Variants in ZFHX3 observed in about 807,000 individuals in gnomAD.
The protein encoded by ZFHX3 is zinc finger homeobox protein 3.
Under a neutral mutation model 279.1 loss-of-function variants are expected in ZFHX3, and 42 were observed. That is an observed-to-expected ratio of 0.15 (90% confidence interval 0.12 to 0.19). The LOEUF is 0.19. Ranked by LOEUF, ZFHX3 falls within the 10% of genes least tolerant of loss-of-function variation. The pLI is 1.00. For missense variants in ZFHX3, 4,981 were observed against 4,754.0 expected (o/e 1.05, Z -1.40); for synonymous variants, 2,293 against 1,957.8 (o/e 1.17, Z -4.52).
At chr16:73,702,089 T>C (rs1294237015) in intron 1 of ZFHX3, among the ~76,000 whole-genome samples, 1 of 151,650 alleles carries the variant, frequency 6.6e-6, no homozygotes, top group Admixed American at 6.6e-5. Context: ...AGGTGGAGAG[T>C]GCAGTGTTGC....
At chr16:73,718,014 T>A (rs1041363740) in intron 1 of ZFHX3, among the ~76,000 whole-genome samples, 2 of 152,204 alleles carry the variant, frequency 1.3e-5, no homozygotes, top group African/African-American at 4.8e-5. Context: ...CTTGAAAGGA[T>A]GTTTATTCTC....
chr16:73,396,983 G>T lies in ZFHX3; in HGVS notation c.-1291+59020C>A, dbSNP rs2017143312. ...GACCTTAACACTGATCCTGTAGGTG[G>T]TGGCAATGCCCCCTGCAGTGTGGAA... On this transcript the variant is annotated intron_variant, in intron 3 of 17. Coordinates refer to the ZFHX3 transcript ENST00000641206. 3.9e-5 allele frequency among the ~76,000 whole-genome samples: 6 copies of T among 152,332 alleles called. No homozygotes were observed. In the South Asian group the frequency reaches 1.2e-3, roughly 32 times the overall value.
At chr16:73,314,398 G>T (rs1478745227) in intron 4 of ZFHX3, among the ~76,000 whole-genome samples, 4 of 152,114 alleles carry the variant, frequency 2.6e-5, no homozygotes, top group African/African-American at 9.7e-5. Flanking sequence ...CTGTTTTTCT[G>T]CAGAACCCTA....
In ZFHX3 at chr16:72,788,463, C is replaced by G. The variant is rs770965556; in HGVS notation, c.9813G>C (p.Thr3271=). Residue 3271 remains threonine, a synonymous_variant, in exon 10 of 10, where the codon ACG becomes ACC. Transcript: ENST00000268489. ...KGEAPTATAA[T]ISAPLPTMEY... ...CCATGGTGGGCAGCGGGGCTGAGAT[C>G]GTGGCTGCAGTTGCCGTGGGGGCCT... 2 of 1,614,244 alleles carry G rather than the reference C, an allele frequency of 1.2e-6. No individual in the cohort carries two copies.
At chr16:73,405,638 A>G (rs1198605843) in intron 3 of ZFHX3, among the ~76,000 whole-genome samples, 1 of 151,462 alleles carries the variant, frequency 6.6e-6, no homozygotes, top group Non-Finnish European at 1.5e-5. Context: ...TTTTTTAGTC[A>G]TTGCAATGGG....
chr16:73,156,489 A>C (rs1312787460), intron 5 of ZFHX3, among the ~76,000 whole-genome samples: 1 of 152,166 alleles, frequency 6.6e-6, no homozygotes, highest in African/African-American at 2.4e-5. Context: ...GACATCTCCC[A>C]AACAGGTAGG....
intron 5 of ZFHX3, among the ~76,000 whole-genome samples, chr16:73,253,870 A>T (rs1273146000): frequency 6.6e-6 from 1 of 152,154 alleles, no homozygotes; most frequent in Non-Finnish European, 1.5e-5. Context: ...AGGGAGAAGG[A>T]GTTAAGGTCC....
chr16:72,907,403 C>T (rs1054661342), intron 3 of ZFHX3, among the ~76,000 whole-genome samples: 3 of 152,050 alleles, frequency 2.0e-5, no homozygotes, highest in East Asian at 3.9e-4. Flanking sequence ...TCATCAATCA[C>T]CTCTAAAAAT....
intron 1 of ZFHX3, among the ~76,000 whole-genome samples, chr16:73,782,716 G>T (rs942885154): frequency 1.3e-5 from 2 of 152,126 alleles, no homozygotes; most frequent in Non-Finnish European, 2.9e-5. Flanking sequence ...ATGACCCTCT[G>T]GTTCTGCCCT....
At chr16:73,852,794 C>T (rs917074482) in intron 1 of ZFHX3, among the ~76,000 whole-genome samples, 26 of 152,226 alleles carry the variant, frequency 1.7e-4, no homozygotes, top group South Asian at 1.0e-3. Flanking sequence ...TTGCACATTG[C>T]GACATTTGCT....
intron 2 of ZFHX3, among the ~76,000 whole-genome samples, chr16:73,481,133 A>C (rs1043174519): frequency 6.6e-6 from 1 of 152,144 alleles, no homozygotes; most frequent in Non-Finnish European, 1.5e-5. Flanking sequence ...GTTTGAGACC[A>C]GCCCGGCCAA....
At chr16:73,038,144 AG>A (rs888119412) in intron 1 of ZFHX3, among the ~76,000 whole-genome samples, 4 of 152,084 alleles carry the variant, frequency 2.6e-5, no homozygotes, top group African/African-American at 9.7e-5. Context: ...GTCCAACAAA[AG>A]GGACCTTGTA....
Position 73,637,562 on chromosome 16 carries a change from A to G in ZFHX3, c.-1547+42618T>C, listed in dbSNP as rs549216739. ...TTGTGTTTTAAAAAGACAGGTTGAA[A>G]AGAATGTGAGTATGTGTTTATTAAA... On this transcript the variant is annotated intron_variant, in intron 2 of 17. Coordinates refer to the ZFHX3 transcript ENST00000641206. 2.0e-4 allele frequency among the ~76,000 whole-genome samples: 30 copies of G among 152,200 alleles called. No homozygotes were observed. The South Asian group carries it at 3.9e-3, about 20-fold the overall frequency.
In ZFHX3 at chr16:72,960,040, G is replaced by A; in HGVS notation, c.106C>T (p.Pro36Ser). The change falls in exon 2 of 10, where the codon CCC (proline) becomes TCC (serine). Residue 36 changes from proline (P) to serine (S), a missense_variant. Transcript: ENST00000268489. The part of the protein sequence containing the change: ...ELNSTHLPDK[P>S]SSMEQSTGES... ...CCTGTGGACTGCTCCATGCTACTGG[G>A]TTTGTCAGGGAGGTGGGTGCTGTTG... 6.2e-7 allele frequency: 1 copy of A among 1,614,084 alleles called. No individual in the cohort carries two copies. Among genetic ancestry groups the A allele is most frequent in the South Asian group, 1.1e-5 (1 of 91,072 alleles).
intron 2 of ZFHX3, among the ~76,000 whole-genome samples, chr16:73,556,703 G>T (rs751669965): frequency 3.2e-4 from 48 of 151,982 alleles, no homozygotes; most frequent in Non-Finnish European, 2.5e-4. Context: ...TCAAGCTGAG[G>T]TGATGTCTAG....
chr16:73,161,533 T>C (rs1427668900), intron 5 of ZFHX3, among the ~76,000 whole-genome samples: 1 of 152,230 alleles, frequency 6.6e-6, no homozygotes, highest in Non-Finnish European at 1.5e-5. Flanking sequence ...TTAAGGTTGG[T>C]GCTCAGTAGA....
At chr16:73,485,530 GT>G (rs2018958978) in intron 2 of ZFHX3, among the ~76,000 whole-genome samples, 1 of 152,062 alleles carries the variant, frequency 6.6e-6, no homozygotes, top group Non-Finnish European at 1.5e-5. Flanking sequence ...CTGTGTTTAG[GT>G]TTTTGTTCTA....
intron 2 of ZFHX3, among the ~76,000 whole-genome samples, chr16:73,597,163 G>A (rs535009888): frequency 1.3e-5 from 2 of 152,144 alleles, no homozygotes; most frequent in African/African-American, 4.8e-5. Flanking sequence ...CTCTCAGTAC[G>A]TTATCTCTGT....
intron 4 of ZFHX3, among the ~76,000 whole-genome samples, chr16:72,881,541 G>A (rs935540413): frequency 3.3e-5 from 5 of 152,162 alleles, no homozygotes; most frequent in African/African-American, 9.7e-5. Context: ...ACCAAGGTCG[G>A]GAACAAGTTT....
Sources: gnomAD v4.1 joint callset for allele counts (sites outside exome capture counted in the v4.1 genomes callset) on GRCh38, gnomAD v4.1.1 for gene constraint, MANE v1.5 for transcripts, NCBI Gene and HGNC (gene_info 2026-07-23, HGNC 2026-07-21) for gene names.